Variants in FANCD2 observed in about 807,000 individuals in gnomAD.
FANCD2 encodes Fanconi anemia group D2 protein.
Under a neutral mutation model 192.3 loss-of-function variants are expected in FANCD2, and 131 were observed. The ratio of observed to expected loss-of-function variants is 0.68; its 90% CI spans 0.59 to 0.79. The LOEUF is 0.79. Ranked by LOEUF, FANCD2 falls within the 30% of genes least tolerant of loss-of-function variation. The pLI, the probability that FANCD2 is intolerant of heterozygous loss-of-function variation, is 0.00. For missense variants in FANCD2, 1,508 were observed against 1,701.6 expected (o/e 0.89, Z 2.00); for synonymous variants, 524 against 612.5 (o/e 0.86, Z 2.13).
At chr3:10,047,552 T>A (rs1330827583) in intron 15 of FANCD2, among the ~76,000 whole-genome samples, 7 of 152,294 alleles carry the variant, frequency 4.6e-5, no homozygotes, top group African/African-American at 7.2e-5. Flanking sequence ...CTTATAGACC[T>A]ACTTCAAATT....
chr3:10,060,571 A>T (rs1423966858), intron 19 of FANCD2, among the ~76,000 whole-genome samples, 168 bp downstream of exon 19: 1 of 152,196 alleles, frequency 6.6e-6, no homozygotes, highest in Non-Finnish European at 1.5e-5. Flanking sequence ...ATATATTACC[A>T]TGTATATGTT....
At chr3:10,063,329 C>T (rs1362272492) in intron 20 of FANCD2, among the ~76,000 whole-genome samples, 1 of 151,992 alleles carries the variant, frequency 6.6e-6, no homozygotes, top group Non-Finnish European at 1.5e-5. Flanking sequence ...CCCAGCTACT[C>T]AGGAGGCTGG....
At chr3:10,097,245 T>C (rs1695024108) in intron 42 of FANCD2, among the ~76,000 whole-genome samples, 1 of 152,210 alleles carries the variant, frequency 6.6e-6, no homozygotes, top group Non-Finnish European at 1.5e-5. Flanking sequence ...CTGTCATTGA[T>C]AACATCTTAT....
chr3:10,063,804 T>C lies in FANCD2; in HGVS notation c.1840T>C (p.Leu614=). 1 of 1,614,258 alleles carries C rather than the reference T, an allele frequency of 6.2e-7. No homozygotes were observed. The highest frequency in any genetic ancestry group is 1.1e-5 in the South Asian group (1 of 91,086). The change falls in exon 21 of 44, where the codon TTG becomes CTG. Residue 614 remains leucine, a synonymous_variant. Transcript: ENST00000675286. ...CTCTTTGCTCCAGGTGACCTCCTTG[T>C]TGCAGTTGGTTCATTCCTGCAGTGA... The part of the protein sequence containing the change: ...DEQCTQVTSL[L]QLVHSCSEQS...
Position 10,065,830 on chromosome 3 carries a change from C to CTA in FANCD2, c.2270-33_2270-32dup. 2.2e-6 allele frequency: 3 copies of CTA among 1,388,026 alleles called. No homozygotes were observed. The East Asian group carries it at 6.9e-5, about 32-fold the overall frequency. 86.0% of individuals were successfully genotyped at this position (1,388,026 alleles called of 1,614,324 possible). On this transcript the variant is annotated intron_variant, in intron 24 of 43. Transcript: ENST00000675286. ...AACCTCCAGGTTTTATTGGCTTGCACTAAAGGTAGTTGGAAATGTTTGTTC... is the reference window on the plus strand; with the variant it reads ...AACCTCCAGGTTTTATTGGCTTGCACTATAAAGGTAGTTGGAAATGTTTGTTC...
intron 28 of FANCD2, among the ~76,000 whole-genome samples, chr3:10,073,776 A>T (rs1693382933): frequency 6.6e-6 from 1 of 152,144 alleles, no homozygotes; most frequent in Admixed American, 6.5e-5. Flanking sequence ...TATATTTATT[A>T]GGTATAGTTT....
At position 10,063,466 on chromosome 3, in the gene FANCD2, G is replaced by A. The variant is rs7652190; in HGVS notation, c.1828-326G>A. ...GAAAAAAAGAAAAAGCTATTTGAGA[G>A]AGAAAACAGAGAGCCTTGCATGTAA... On this transcript the variant is annotated intron_variant, in intron 20 of 43. Transcript: ENST00000675286. Among the ~76,000 whole-genome samples the A allele has an allele frequency of 0.19, 29,350 of 152,094 alleles. 3,225 individuals carry two copies. The highest frequency in any genetic ancestry group is 0.31 in the African/African-American group (12,674 of 41,470).
chr3:10,100,085 G>A (rs1391611891), intron 43 of FANCD2, among the ~76,000 whole-genome samples: 1 of 152,110 alleles, frequency 6.6e-6, no homozygotes, highest in African/African-American at 2.4e-5. Context: ...CTACACAGGA[G>A]GCTGAGGTGG....
chr3:10,030,028 C>G (rs1054541040), intron 2 of FANCD2, among the ~76,000 whole-genome samples: 2 of 151,868 alleles, frequency 1.3e-5, no homozygotes, highest in African/African-American at 4.8e-5. Flanking sequence ...CTCAAGTGAT[C>G]CATCCATCTC....
intron 26 of FANCD2, among the ~76,000 whole-genome samples, chr3:10,070,414 C>A (rs1468890076): frequency 7.8e-5 from 9 of 115,284 alleles, no homozygotes; most frequent in Non-Finnish European, 1.7e-4. Flanking sequence ...CTGCCCCGTC[C>A]GGGAGGTGAG....
rs1309799961 is a variant in FANCD2, at chr3:10,093,339, G to A, written c.3888+16G>A. 4 of 1,600,646 alleles carry A rather than the reference G, an allele frequency of 2.5e-6. No homozygotes were observed. The highest frequency in any genetic ancestry group is 3.4e-6 in the Non-Finnish European group (4 of 1,167,864). On this transcript the variant is annotated intron_variant, in intron 39 of 43. Transcript: ENST00000675286. Reference sequence around the variant, plus strand: ...ATGTTTGAAGGTGAGAGATTTACTGGGCCCTGTTTCATATTTATTCTTCCT... The same window carrying A: ...ATGTTTGAAGGTGAGAGATTTACTGAGCCCTGTTTCATATTTATTCTTCCT...
At chr3:10,038,052 G>A (rs2086774680) in intron 7 of FANCD2, among the ~76,000 whole-genome samples, 1 of 152,136 alleles carries the variant, frequency 6.6e-6, no homozygotes, top group South Asian at 2.1e-4. Context: ...GTACAGTGGT[G>A]CGATCTTGGC....
chr3:10,046,339 C>T, intron 14 of FANCD2: 2 of 489,886 alleles, frequency 4.1e-6, no homozygotes, highest in Non-Finnish European at 7.1e-6. Context: ...AGATGTGAGC[C>T]ACTGTGCCTG....
Position 10,072,924 on chromosome 3 carries a change from A to G in FANCD2, c.2548A>G (p.Ile850Val). ...AAACTTTGATGTGGAAACTTTAGAT[A>G]TAACACCTCATACTGTTACTGCTAT... Reference protein sequence around the residue: ...LGNFDVETLDITPHTVTAISA... With the variant: ...LGNFDVETLDVTPHTVTAISA... Residue 850 changes from isoleucine to valine, a missense_variant, in exon 27 of 44, where the codon ATA becomes GTA. Around this residue, in one of 5 missense-constraint regions of FANCD2, gnomAD observed 796 missense variants for 879.4 expected, o/e 0.91. Transcript: ENST00000675286. 1 of 1,612,506 alleles carries G rather than the reference A, an allele frequency of 6.2e-7. No homozygotes were observed. The highest frequency in any genetic ancestry group is 8.5e-7 in the Non-Finnish European group (1 of 1,178,598).
intron 26 of FANCD2, among the ~76,000 whole-genome samples, chr3:10,070,072 C>T (rs1254207484): frequency 7.0e-6 from 1 of 143,324 alleles, no homozygotes; most frequent in African/African-American, 2.6e-5. Context: ...CTCTGCCCCA[C>T]CGCCCCGTCT....
chr3:10,057,290 T>C (rs1337956404), intron 18 of FANCD2, among the ~76,000 whole-genome samples: 4 of 152,228 alleles, frequency 2.6e-5, no homozygotes, highest in African/African-American at 9.6e-5. Context: ...ACTCCCTTGA[T>C]AGTGTCCTTT....
intron 26 of FANCD2, among the ~76,000 whole-genome samples, chr3:10,069,036 T>TAAC (rs146759790): frequency 3.3e-5 from 5 of 152,136 alleles, no homozygotes; most frequent in South Asian, 2.1e-4. Context: ...ATGAAACTAC[T>TAAC]AACAACAACA....
chr3:10,072,521 C>T (rs7621551), intron 26 of FANCD2, among the ~76,000 whole-genome samples: 29,733 of 152,162 alleles, frequency 0.2, 3,354 homozygotes, highest in African/African-American at 0.31. Flanking sequence ...TCAGGTGATC[C>T]GCGCGCCTTG....
chr3:10,051,570 A>C (rs1332079837), intron 17 of FANCD2, among the ~76,000 whole-genome samples: 2 of 152,026 alleles, frequency 1.3e-5, no homozygotes, highest in South Asian at 2.1e-4. Context: ...TAACTTGAAG[A>C]CTTGGGGAAT....
Sources: gnomAD v4.1 joint callset for allele counts (sites outside exome capture counted in the v4.1 genomes callset) on GRCh38, gnomAD v4.1.1 for gene constraint, gnomAD v4.1.1 regional missense constraint, MANE v1.5 for transcripts, NCBI Gene and HGNC (gene_info 2026-07-23, HGNC 2026-07-21) for gene names.